Variants in SETBP1 observed in about 807,000 individuals in gnomAD.
SETBP1 encodes the protein SET binding protein 1.
Under a neutral mutation model 101.0 loss-of-function variants are expected in SETBP1, and 9 were observed. That is an observed-to-expected ratio of 0.09 (90% CI 0.05 to 0.16). The LOEUF (loss-of-function observed/expected upper bound fraction) is 0.16. Among genes scored for constraint, SETBP1 ranks in the 10% least tolerant of loss-of-function variants. The pLI is 1.00. For missense variants in SETBP1, 1,858 were observed against 2,033.8 expected, an observed-to-expected ratio of 0.91 and a Z score of 1.66; for synonymous variants, 818 against 788.5, an observed-to-expected ratio of 1.04 and a Z score of -0.63.
At chr18:44,782,080 G>C (rs2071142529) in intron 2 of SETBP1, among the ~76,000 whole-genome samples, 1 of 152,196 alleles carries the variant, frequency 6.6e-6, no homozygotes, top group Admixed American at 6.5e-5. Context: ...TGAAGTAGCT[G>C]TTAGGAATGC....
intron 2 of SETBP1, among the ~76,000 whole-genome samples, chr18:44,755,117 G>A (rs925906983): frequency 7.2e-5 from 11 of 152,196 alleles, no homozygotes; most frequent in Non-Finnish European, 4.4e-5. Flanking sequence ...TTTGTAAAAT[G>A]AAGGATCTTG....
chr18:44,749,597 G>A (rs1224040747), intron 2 of SETBP1, among the ~76,000 whole-genome samples: 4 of 152,200 alleles, frequency 2.6e-5, no homozygotes, highest in African/African-American at 9.7e-5. Flanking sequence ...GCAAGTGAGA[G>A]AAAATTGATC....
At chr18:44,774,680 A>C (rs112806315) in intron 2 of SETBP1, among the ~76,000 whole-genome samples, 294 of 152,226 alleles carry the variant, frequency 1.9e-3, no homozygotes, top group African/African-American at 6.8e-3. Context: ...ATCTAATCTA[A>C]CTCTTCTACA....
chr18:45,012,157 G>A (rs551413235), intron 4 of SETBP1, among the ~76,000 whole-genome samples: 7 of 152,282 alleles, frequency 4.6e-5, no homozygotes, highest in Admixed American at 1.3e-4. Flanking sequence ...TGGAATGACC[G>A]TCATGAAGGA....
chr18:44,972,086 C>A (rs1453435371), intron 4 of SETBP1, among the ~76,000 whole-genome samples: 1 of 152,180 alleles, frequency 6.6e-6, no homozygotes, highest in Non-Finnish European at 1.5e-5. Flanking sequence ...TTTCAGCTTT[C>A]TACATATGGC....
At chr18:44,930,521 C>G (rs1156469925) in intron 3 of SETBP1, among the ~76,000 whole-genome samples, 1 of 152,156 alleles carries the variant, frequency 6.6e-6, no homozygotes, top group Non-Finnish European at 1.5e-5. Context: ...GTACCAGTTC[C>G]TCTTTGTACC....
chr18:44,880,887 T>C (rs923764984), intron 3 of SETBP1, among the ~76,000 whole-genome samples: 1 of 152,162 alleles, frequency 6.6e-6, no homozygotes, highest in Non-Finnish European at 1.5e-5. Context: ...ACATGAGATC[T>C]GGGTGGGGAC....
At chr18:44,851,174 A>G (rs2072853072) in intron 2 of SETBP1, among the ~76,000 whole-genome samples, 1 of 152,222 alleles carries the variant, frequency 6.6e-6, no homozygotes, top group African/African-American at 2.4e-5. Flanking sequence ...CTTCAACCCA[A>G]GAGCCATCTG....
intron 2 of SETBP1, among the ~76,000 whole-genome samples, chr18:44,851,710 G>C (rs1021078743): frequency 1.3e-5 from 2 of 152,106 alleles, no homozygotes; most frequent in African/African-American, 4.8e-5. Flanking sequence ...TCAATAAGAT[G>C]AGAGAGTGTT....
intron 2 of SETBP1, among the ~76,000 whole-genome samples, chr18:44,767,561 A>G (rs142133747): frequency 2.3e-3 from 349 of 152,346 alleles, no homozygotes; most frequent in Non-Finnish European, 3.5e-3. Context: ...AGATGGTTAT[A>G]TGAAATACTT....
At chr18:44,866,101 C>A (rs1178492154) in intron 2 of SETBP1, among the ~76,000 whole-genome samples, 1 of 152,212 alleles carries the variant, frequency 6.6e-6, no homozygotes, top group African/African-American at 2.4e-5. Context: ...TGGATTTATT[C>A]ACCATTCAGC....
intron 4 of SETBP1, among the ~76,000 whole-genome samples, chr18:44,974,082 T>C (rs1014426884): frequency 6.6e-6 from 1 of 152,216 alleles, no homozygotes; most frequent in Non-Finnish European, 1.5e-5. Flanking sequence ...GCTTACAAAA[T>C]ACAATTCAAA....
At chr18:44,695,576 C>T (rs757840426) in intron 1 of SETBP1, among the ~76,000 whole-genome samples, 5 of 152,086 alleles carry the variant, frequency 3.3e-5, no homozygotes, top group African/African-American at 9.7e-5. Context: ...GTGTGTTTTA[C>T]GTGTGAAGAT....
intron 3 of SETBP1, among the ~76,000 whole-genome samples, chr18:44,939,851 G>T (rs2071047591): frequency 6.6e-6 from 1 of 152,202 alleles, no homozygotes; most frequent in Non-Finnish European, 1.5e-5. Context: ...ATTCCTGCTT[G>T]TTACCGGCAC....
In SETBP1 at chr18:45,063,594, C is replaced by T; in HGVS notation, c.4687C>T (p.Pro1563Ser). 2 of 1,584,432 alleles carry T rather than the reference C, an allele frequency of 1.3e-6. No homozygotes were observed. Among genetic ancestry groups the T allele is most frequent in the Non-Finnish European group, 8.6e-7 (1 of 1,165,088 alleles). ...RKHKPQAPAQ[P>S]PQQSPPQQPL... ...ACACAAACCGCAGGCCCCCGCTCAG[C>T]CCCCACAGCAGTCGCCCCCGCAGCA... Residue 1563 changes from proline to serine, a missense_variant, in exon 6 of 6, where the codon CCC becomes TCC. Pro to Ser is a moderately conservative substitution (Grantham distance 74). This residue lies in a region of SETBP1 where 178 missense variants were observed against 189.1 expected (regional missense o/e 0.94). Transcript: ENST00000649279.
intron 5 of SETBP1, among the ~76,000 whole-genome samples, chr18:45,042,591 C>T (rs577493994): frequency 9.2e-5 from 14 of 152,196 alleles, no homozygotes; most frequent in African/African-American, 2.4e-4. Flanking sequence ...ATTTTATAAA[C>T]GATACAATAT....
At chr18:44,817,962 C>T (rs1396112834) in intron 2 of SETBP1, among the ~76,000 whole-genome samples, 1 of 152,200 alleles carries the variant, frequency 6.6e-6, no homozygotes, top group East Asian at 1.9e-4. Flanking sequence ...TATAAGCTTC[C>T]AGACTTACGT....
At chr18:44,791,888 G>A (rs1261600817) in intron 2 of SETBP1, among the ~76,000 whole-genome samples, 1 of 152,146 alleles carries the variant, frequency 6.6e-6, no homozygotes, top group African/African-American at 2.4e-5. Context: ...TTGGGGAGGG[G>A]TAAGGCAGGT....
intron 2 of SETBP1, among the ~76,000 whole-genome samples, chr18:44,715,208 G>A (rs1795726278): frequency 6.6e-6 from 1 of 152,194 alleles, no homozygotes; most frequent in Non-Finnish European, 1.5e-5. Flanking sequence ...GGCCCTGGCT[G>A]TGGGTAAACT....
Sources: gnomAD v4.1 joint callset for allele counts (sites outside exome capture counted in the v4.1 genomes callset) on GRCh38, gnomAD v4.1.1 for gene constraint, gnomAD v4.1.1 regional missense constraint, MANE v1.5 for transcripts, NCBI Gene and HGNC (gene_info 2026-07-23, HGNC 2026-07-21) for gene names.